Variants in ITPR2 observed in about 807,000 individuals in gnomAD.
The protein encoded by ITPR2 is inositol 1,4,5-trisphosphate receptor type 2.
In ITPR2, 207 loss-of-function variants were observed where a neutral mutation model predicts 317.1. That is an observed-to-expected ratio of 0.65 (90% CI 0.58 to 0.73). ITPR2 has a LOEUF of 0.73. ITPR2 is among the 30% of genes least tolerant of loss of function. The pLI is 0.00. For missense variants in ITPR2, 2,613 were observed against 3,284.0 expected (o/e 0.80, Z 4.99); for synonymous variants, 1,156 against 1,149.1 (o/e 1.01, Z -0.12).
intron 1 of ITPR2, among the ~76,000 whole-genome samples, chr12:26,803,750 A>G (rs1383616389): frequency 6.6e-6 from 1 of 152,150 alleles, no homozygotes; most frequent in Non-Finnish European, 1.5e-5. Flanking sequence ...TCCTTCTTCA[A>G]AAAGAGATGA....
At position 26,595,656 on chromosome 12, in the gene ITPR2, T is replaced by C. The variant is rs938589362; in HGVS notation, c.4255-66A>G. ...ATTGATGACTTTCAAATATCAATTA[T>C]GAAAGGTTAACATAAAATCTGTTAG... is the stretch of plus-strand genomic sequence containing the variant. On this transcript the variant is annotated intron_variant, in intron 31 of 56. Transcript: ENST00000381340. 7 of 1,281,032 alleles carry C rather than the reference T, an allele frequency of 5.5e-6. No individual in the cohort carries two copies. The African/African-American group carries it at 1.1e-4, about 19-fold the overall frequency. 79.4% of individuals were successfully genotyped at this position (1,281,032 alleles called of 1,614,324 possible).
intron 45 of ITPR2, among the ~76,000 whole-genome samples, chr12:26,452,534 T>C (rs1288040482): frequency 2.0e-5 from 3 of 152,080 alleles, no homozygotes; most frequent in African/African-American, 7.2e-5. Context: ...GTGTTGGAAA[T>C]TTTGTCCCCA....
intron 2 of ITPR2, among the ~76,000 whole-genome samples, chr12:26,782,682 C>T (rs1004457138): frequency 1.3e-5 from 2 of 152,216 alleles, no homozygotes; most frequent in African/African-American, 4.8e-5. Flanking sequence ...ACTTTCTCCA[C>T]TGCAAAATCA....
At chr12:26,565,451 G>GA (rs1285926633) in intron 34 of ITPR2, among the ~76,000 whole-genome samples, 1 of 141,964 alleles carries the variant, frequency 7.0e-6, no homozygotes, top group Non-Finnish European at 1.6e-5. Context: ...GGAAGGAAGG[G>GA]ATAAAAAAAA....
At chr12:26,402,436 G>T (rs1014234695) in intron 52 of ITPR2, among the ~76,000 whole-genome samples, 2 of 152,130 alleles carry the variant, frequency 1.3e-5, no homozygotes, top group Non-Finnish European at 2.9e-5. Context: ...GCACATAAAC[G>T]CTACAGGAGA....
intron 13 of ITPR2, among the ~76,000 whole-genome samples, chr12:26,674,612 T>A (rs1274920055): frequency 3.9e-5 from 6 of 152,120 alleles, no homozygotes; most frequent in Non-Finnish European, 7.4e-5. Flanking sequence ...AACCTAGGCA[T>A]TACCATTCAG....
chr12:26,619,248 T>C (rs1277268296), intron 26 of ITPR2, among the ~76,000 whole-genome samples: 2 of 152,244 alleles, frequency 1.3e-5, no homozygotes, highest in African/African-American at 2.4e-5. Context: ...ATATCCACCA[T>C]AGTAAACAAC....
At chr12:26,381,729 G>A (rs572118714) in intron 55 of ITPR2, among the ~76,000 whole-genome samples, 1 of 152,278 alleles carries the variant, frequency 6.6e-6, no homozygotes, top group African/African-American at 2.4e-5. Flanking sequence ...GCAGTAAAAG[G>A]AGGAAACGGT....
At chr12:26,649,107 G>A (rs1947181600) in intron 21 of ITPR2, 1 of 152,002 alleles carries the variant, frequency 6.6e-6, no homozygotes, top group African/African-American at 2.4e-5. Context: ...TATAGAAAGA[G>A]TTGCAAGAAT....
At chr12:26,541,146 TAAA>T (rs3058665) in intron 37 of ITPR2, among the ~76,000 whole-genome samples, 12 of 110,136 alleles carry the variant, frequency 1.1e-4, no homozygotes, top group Admixed American at 4.7e-4. Flanking sequence ...CATCTCTGCT[TAAA>T]AAAAAAAAAA....
chr12:26,681,992 T>C lies in ITPR2; in HGVS notation c.1291A>G (p.Ile431Val), dbSNP rs1209518004. ...QTKEDKEAFAIVSVPLSEVRD... is the reference protein window; with the variant it reads ...QTKEDKEAFAVVSVPLSEVRD... ...ACTTCAGACAGTGGAACAGACACGA[T>C]TGCGAACGCTTCTTTATCTTCTTTG... The change falls in exon 13 of 57, where the codon ATC becomes GTC. Residue 431 changes from isoleucine (I) to valine (V), a missense_variant. Physicochemically the swap from Ile to Val is conservative, Grantham distance 29 (BLOSUM62 3). Coordinates refer to ENST00000381340, the MANE Select transcript of ITPR2 (RefSeq NM_002223.4). 3 of 1,613,728 alleles carry C rather than the reference T, an allele frequency of 1.9e-6. No individual in the cohort carries two copies. The highest frequency in any genetic ancestry group is 2.5e-6 in the Non-Finnish European group (3 of 1,179,698).
At chr12:26,718,882 A>G (rs958348449) in intron 5 of ITPR2, among the ~76,000 whole-genome samples, 2 of 152,138 alleles carry the variant, frequency 1.3e-5, no homozygotes, top group Non-Finnish European at 2.9e-5. Flanking sequence ...AAAGGATTAC[A>G]TAGGCGTGAA....
rs961380085 is a variant in ITPR2 at position 26,535,939 on chromosome 12, T to C, written c.5073+14308A>G. 3.3e-5 allele frequency among the ~76,000 whole-genome samples: 5 copies of C among 152,318 alleles called. No individual in the cohort carries two copies. The East Asian group carries it at 9.6e-4, about 29-fold the overall frequency. ...AAAACAATTGGCAAACAACCGTCCATGATCGAAGAACAAAAACTGTTGCAG... is the reference window on the plus strand; with the variant it reads ...AAAACAATTGGCAAACAACCGTCCACGATCGAAGAACAAAAACTGTTGCAG... On this transcript the variant is annotated intron_variant, in intron 37 of 56. Coordinates refer to ENST00000381340, the MANE Select transcript of ITPR2 (RefSeq NM_002223.4).
chr12:26,476,208 T>A (rs1340134033), intron 44 of ITPR2, among the ~76,000 whole-genome samples: 3 of 152,246 alleles, frequency 2.0e-5, no homozygotes, highest in Admixed American at 1.3e-4. Flanking sequence ...AGCAAAAGAA[T>A]GTTGTGCCAG....
At chr12:26,494,771 G>GAA (rs71069245) in intron 38 of ITPR2, among the ~76,000 whole-genome samples, 664 of 50,340 alleles carry the variant, frequency 0.013, 84 homozygotes, top group African/African-American at 0.026. Context: ...CTCTGCCTCA[G>GAA]AAAAAAAAAA....
chr12:26,787,701 T>A (rs1950278877), intron 2 of ITPR2, among the ~76,000 whole-genome samples: 1 of 152,116 alleles, frequency 6.6e-6, no homozygotes, highest in African/African-American at 2.4e-5. Context: ...GGAAACCAAG[T>A]TTTATCACAT....
intron 50 of ITPR2, among the ~76,000 whole-genome samples, chr12:26,417,504 A>C (rs1293224089): frequency 6.6e-6 from 1 of 152,054 alleles, no homozygotes; most frequent in African/African-American, 2.4e-5. Context: ...TGAGACGGTG[A>C]GGGAGTTCTC....
chr12:26,363,029 C>CCA (rs1938886046), intron 55 of ITPR2, among the ~76,000 whole-genome samples: 1 of 152,174 alleles, frequency 6.6e-6, no homozygotes, highest in Non-Finnish European at 1.5e-5. Flanking sequence ...GGGCCATGGA[C>CCA]CAGTACCAGT....
In ITPR2 at chr12:26,612,757, T is replaced by C. The variant is rs148813350; in HGVS notation, c.3462+8366A>G. ...CTTGCTCTTCTGAAGCATTCCGGAT[T>C]CTGTCAGACTAAATTTTCCAAAATA... On this transcript the variant is annotated intron_variant, in intron 26 of 56. Transcript: ENST00000381340. Among the ~76,000 whole-genome samples the C allele has an allele frequency of 3.2e-3, 490 of 152,330 alleles. 2 individuals carry two copies. Among genetic ancestry groups the C allele is most frequent in the African/African-American group, 0.011 (463 of 41,574 alleles).
Sources: allele counts gnomAD v4.1 joint callset (sites outside exome capture counted in the v4.1 genomes callset), GRCh38; gene constraint gnomAD v4.1.1; transcripts MANE v1.5; gene names NCBI Gene and HGNC (gene_info 2026-07-23, HGNC 2026-07-21).